Variants in FKBP15 observed in about 807,000 individuals in gnomAD.
The protein encoded by FKBP15 is FKBP prolyl isomerase family member 15.
FKBP15 carries 106 observed loss-of-function variants against 158.1 expected under a neutral mutation model. The ratio of observed to expected loss-of-function variants is 0.67; its 90% confidence interval spans 0.57 to 0.79. The LOEUF is 0.79. Among genes scored for constraint, FKBP15 ranks in the 30% least tolerant of loss-of-function variants. The pLI, the probability that FKBP15 is intolerant of heterozygous loss-of-function variation, is 0.00. For missense variants in FKBP15, 1,287 were observed against 1,479.1 expected, an observed-to-expected ratio of 0.87 and a Z score of 2.13; for synonymous variants, 547 against 548.6, an observed-to-expected ratio of 1.00 and a Z score of 0.04.
At position 113,170,594 on chromosome 9, in the gene FKBP15, T is replaced by A. The variant is rs775223337; in HGVS notation, c.2694A>T (p.Leu898Phe). Reference sequence around the variant, plus strand: ...ATTCCTCCAGCTCAAACTCTCTCCGTAAGGACTGGAACACCTGGTTCATGA... The same window carrying A: ...ATTCCTCCAGCTCAAACTCTCTCCGAAAGGACTGGAACACCTGGTTCATGA... ...KKIMNQVFQS[L>F]RREFELEESY... is the part of the protein sequence containing the mutation. Residue 898 changes from leucine (L) to phenylalanine (F), a missense_variant, in exon 25 of 28, where the codon TTA (leucine) becomes TTT (phenylalanine). Physicochemically the swap from Leu to Phe is conservative, Grantham distance 22. Coordinates refer to ENST00000238256, the MANE Select transcript of FKBP15 (RefSeq NM_015258.2). 6.2e-7 allele frequency: 1 copy of A among 1,613,726 alleles called. No homozygotes were observed. Among genetic ancestry groups the A allele is most frequent in the African/African-American group, 1.3e-5 (1 of 74,924 alleles).
rs572778861 is a variant in FKBP15, at chr9:113,184,535, T to G, written c.1609-136A>C. The G allele has an allele frequency of 1.8e-5, 16 of 913,356 alleles. No individual in the cohort carries two copies. The highest frequency in any genetic ancestry group is 1.7e-4 in the African/African-American group (10 of 59,954). 56.6% of individuals were successfully genotyped at this position (913,356 alleles called of 1,614,324 possible). ...CTCTAACTGTTAAGTTAGAGTTTTCTCCTACTAACTGGATCCCAACATAAT... is the reference window on the plus strand; with the variant it reads ...CTCTAACTGTTAAGTTAGAGTTTTCGCCTACTAACTGGATCCCAACATAAT... On this transcript the variant is annotated intron_variant, in intron 16 of 27. Coordinates refer to ENST00000238256, the MANE Select transcript of FKBP15 (RefSeq NM_015258.2). The surrounding 1 kb of genome is among the most constrained non-coding windows in gnomAD (Gnocchi z 4.5).
At chr9:113,188,999 A>G (rs1830530375) in intron 12 of FKBP15, among the ~76,000 whole-genome samples, 1 of 152,190 alleles carries the variant, frequency 6.6e-6, no homozygotes, top group Admixed American at 6.5e-5. Flanking sequence ...TAGTTTTAGG[A>G]TGTTTTTCCA....
At chr9:113,188,620 G>A (rs78381705) in intron 12 of FKBP15, 129 bp from the exon 13 acceptor site, 56,547 of 709,476 alleles carry the variant, frequency 0.08, 3,543 homozygotes, top group East Asian at 0.24. Flanking sequence ...AAAGGTAAGC[G>A]GAAGGCCAAG....
At position 113,173,540 on chromosome 9, in the gene FKBP15, G is replaced by A. The variant is rs773632888; in HGVS notation, c.2445C>T (p.Ser815=). The A allele has an allele frequency of 6.8e-6, 11 of 1,613,982 alleles. No individual in the cohort carries two copies. The highest frequency in any genetic ancestry group is 1.7e-5 in the Admixed American group (1 of 60,028). The change falls in exon 23 of 28, where the codon TCC becomes TCT. Residue 815 remains serine, a synonymous_variant. Coordinates refer to ENST00000238256, the MANE Select transcript of FKBP15 (RefSeq NM_015258.2). ...WEAKCEHLLA[S]AKDEHLQQYQ... ...ACTGCTGCAGGTGCTCATCCTTGGC[G>A]GAGGCCAACAAATGTTCACATTTTG...
chr9:113,174,491 C>T lies in FKBP15; in HGVS notation c.2316G>A (p.Leu772=), dbSNP rs1483334666. The T allele has an allele frequency of 1.2e-6, 2 of 1,613,862 alleles. No homozygotes were observed. Residue 772 remains leucine (L), a synonymous_variant, in exon 22 of 28, where the codon TTG becomes TTA. Coordinates refer to ENST00000238256, the MANE Select transcript of FKBP15 (RefSeq NM_015258.2). ...DEIRKSYQEE[L]DKLRQLLKKT... ...TTTTCAAGAGCTGTCGAAGTTTGTC[C>T]AATTCCTCCTGGTATGACTTGCGAA...
chr9:113,207,272 G>A lies in FKBP15; in HGVS notation c.194C>T (p.Ala65Val). The change falls in exon 3 of 28, where the codon GCA (alanine) becomes GTA (valine). Residue 65 changes from alanine to valine, a missense_variant. Coordinates refer to ENST00000238256, the MANE Select transcript of FKBP15 (RefSeq NM_015258.2). ...ATGNQATPKT[A>V]PATMSTPTIL... is the part of the protein sequence containing the mutation. ...TGTGGGAGTGCTCATGGTGGCTGGT[G>A]CTGTTTTTGGTGTTGCCTGATTTCC... is the stretch of plus-strand genomic sequence containing the variant. 1 of 1,612,856 alleles carries A rather than the reference G, an allele frequency of 6.2e-7. No individual in the cohort carries two copies. The highest frequency in any genetic ancestry group is 8.5e-7 in the Non-Finnish European group (1 of 1,179,488).
intron 12 of FKBP15, among the ~76,000 whole-genome samples, chr9:113,190,033 C>T (rs1033049538): frequency 1.3e-5 from 2 of 152,136 alleles, no homozygotes; most frequent in Non-Finnish European, 1.5e-5. Flanking sequence ...AAAACAAACA[C>T]AAGAATACCA....
intron 1 of FKBP15, among the ~76,000 whole-genome samples, chr9:113,212,184 TTTTG>T (rs746309334): frequency 6.6e-5 from 10 of 152,040 alleles, no homozygotes; most frequent in South Asian, 4.1e-4. Context: ...CTAAAAATTT[TTTTG>T]TTTGTTTTTG....
In FKBP15 at chr9:113,221,263, T is replaced by C. The variant is rs1587983422; in HGVS notation, c.-20A>G. 1.9e-6 allele frequency: 3 copies of C among 1,596,936 alleles called. No individual in the cohort carries two copies. The East Asian group carries it at 6.9e-5, about 37-fold the overall frequency. On this transcript the variant is annotated 5_prime_UTR_variant, in exon 1 of 28. Transcript: ENST00000238256. ...GAACATTGCGTTGGCTTTCACCGGG[T>C]TGCGGGGAGGAAGCTGGGTATTCCC...
Position 113,202,964 on chromosome 9 carries a change from T to G in FKBP15, c.396A>C (p.Leu132=), listed in dbSNP as rs1221598251. 6.2e-7 allele frequency: 1 copy of G among 1,611,018 alleles called. No homozygotes were observed. The highest frequency in any genetic ancestry group is 1.3e-5 in the African/African-American group (1 of 74,950). Residue 132 remains leucine (L), a synonymous_variant, in exon 5 of 28, where the codon CTA becomes CTC. Transcript: ENST00000238256. ...TTCCAATATGATGAAGTCTTACCAT[T>G]AGCTCAAAGTTCACATGAATCCTAG... ...TVARIHVNFE[L]MVRPNNYSTF...
intron 11 of FKBP15, among the ~76,000 whole-genome samples, chr9:113,191,763 C>T (rs1455897199): frequency 2.0e-5 from 3 of 150,804 alleles, no homozygotes; most frequent in African/African-American, 4.9e-5. Flanking sequence ...CTTGTGTGCA[C>T]CTGCATAAAG....
At position 113,193,385 on chromosome 9, in the gene FKBP15, G is replaced by A. The variant is rs373345393; in HGVS notation, c.1065+107C>T. ...AGACGAGGTCTCACTATGTTGCCTA[G>A]GCTGGTCTTGAACTCCTGCACTGTA... On this transcript the variant is annotated intron_variant, in intron 11 of 27. Transcript: ENST00000238256. 2.9e-4 allele frequency: 228 copies of A among 789,678 alleles called. 1 individual carries two copies. In the African/African-American group the frequency reaches 3.6e-3, roughly 13 times the overall value. 48.9% of individuals were successfully genotyped at this position (789,678 alleles called of 1,614,324 possible). A position where few individuals can be genotyped will look rare whatever the true frequency, so the allele number is the denominator to read the frequency against.
intron 1 of FKBP15, among the ~76,000 whole-genome samples, chr9:113,213,132 G>C (rs746350034): frequency 6.6e-6 from 1 of 152,116 alleles, no homozygotes; most frequent in African/African-American, 2.4e-5. Context: ...AGGTCGGCTG[G>C]GCACAGTGGC....
Position 113,199,668 on chromosome 9 carries a change from C to A in FKBP15, c.648+146G>T, listed in dbSNP as rs1322593102. ...ACACATTCACATTTCATAATATGCC[C>A]CCAAAGCAATTGCAGTGTCTAAAGT... On this transcript the variant is annotated intron_variant, in intron 7 of 27. Coordinates refer to ENST00000238256, the MANE Select transcript of FKBP15 (RefSeq NM_015258.2). The A allele has an allele frequency of 6.2e-6, 5 of 801,076 alleles. No homozygotes were observed. The Admixed American group carries it at 1.3e-4, about 20-fold the overall frequency. 49.6% of individuals were successfully genotyped at this position (801,076 alleles called of 1,614,324 possible). A position where few individuals can be genotyped will look rare whatever the true frequency, so the allele number is the denominator to read the frequency against.
chr9:113,218,766 A>G (rs1168832965), intron 1 of FKBP15, among the ~76,000 whole-genome samples: 1 of 152,200 alleles, frequency 6.6e-6, no homozygotes, highest in African/African-American at 2.4e-5. Flanking sequence ...ATGGAAGATA[A>G]TCTGTCCAAA....
At chr9:113,212,715 C>G (rs1328999262) in intron 1 of FKBP15, among the ~76,000 whole-genome samples, 1 of 152,180 alleles carries the variant, frequency 6.6e-6, no homozygotes, top group African/African-American at 2.4e-5. Flanking sequence ...TTGGGCTCTT[C>G]TTCTTCATTT....
chr9:113,209,648 A>G (rs1400710352), intron 2 of FKBP15, among the ~76,000 whole-genome samples: 1 of 152,244 alleles, frequency 6.6e-6, no homozygotes, highest in Non-Finnish European at 1.5e-5. Context: ...CCTGAGTGAT[A>G]AGAGTGGTAG....
rs746316452 is a variant in FKBP15, at chr9:113,184,573, T to C, written c.1608+122A>G. 36 of 937,306 alleles carry C rather than the reference T, an allele frequency of 3.8e-5. No homozygotes were observed. The highest frequency in any genetic ancestry group is 5.8e-5 in the Non-Finnish European group (35 of 601,724). The allele number at this position is 937,306 out of a possible 1,614,324, so 58.1% of individuals were successfully genotyped here. ...ATCCCAACATAATTATAACTATCCT[T>C]GTAGGGAAATAACCTCTCACTACTA... On this transcript the variant is annotated intron_variant, in intron 16 of 27. Coordinates refer to ENST00000238256, the MANE Select transcript of FKBP15 (RefSeq NM_015258.2). This position sits in a 1 kb window ranked among gnomAD's most constrained non-coding sequence, Gnocchi z 4.5.
Position 113,169,717 on chromosome 9 carries a change from C to A in FKBP15, c.2992G>T (p.Ala998Ser). 6.2e-7 allele frequency: 1 copy of A among 1,613,708 alleles called. No homozygotes were observed. The highest frequency in any genetic ancestry group is 8.5e-7 in the Non-Finnish European group (1 of 1,179,788). The change falls in exon 26 of 28, where the codon GCC becomes TCC. Residue 998 changes from alanine to serine, a missense_variant. Physicochemically the swap from Ala to Ser is moderately conservative, Grantham distance 99. Transcript: ENST00000238256. ...VEEAVPLPPQ[A>S]LTTSQDGHRR... ...TGTCCATCCTGGGAAGTGGTGAGGGCCTGAGGAGGCAACGGGACAGCTTCC... is the reference window on the plus strand; with the variant it reads ...TGTCCATCCTGGGAAGTGGTGAGGGACTGAGGAGGCAACGGGACAGCTTCC...
Sources: gnomAD v4.1 joint callset for allele counts (sites outside exome capture counted in the v4.1 genomes callset) on GRCh38, gnomAD v4.1.1 for gene constraint, Gnocchi (gnomAD v3.1) non-coding constraint, MANE v1.5 for transcripts, NCBI Gene and HGNC (gene_info 2026-07-23, HGNC 2026-07-21) for gene names.